The following FAM83G variants were observed in gnomAD, a reference collection of about 807,000 sequenced individuals.
The protein encoded by FAM83G is scaffolding CK1 anchoring protein G, also known as protein FAM83G.
In FAM83G, 38 loss-of-function variants were observed where a neutral mutation model predicts 61.5. The observed-to-expected ratio is 0.62, with a 90% CI of 0.48 to 0.81. The LOEUF (loss-of-function observed/expected upper bound fraction) is 0.81, where lower values mean the gene tolerates loss of function less well. FAM83G is among the 30% of genes least tolerant of loss of function. The pLI is 0.00. For synonymous variants in FAM83G, 470 were observed against 476.1 expected (o/e 0.99, Z 0.17); for missense variants, 989 against 1,133.6 (o/e 0.87, Z 1.83).
chr17:18,976,305 G>A (rs1360140249), intron 5 of FAM83G: 1 of 152,530 alleles, frequency 6.6e-6, no homozygotes, highest in East Asian at 1.9e-4. Context: ...GAAAGGCCTG[G>A]TTAGGATTTG....
intron 2 of FAM83G, among the ~76,000 whole-genome samples, chr17:18,999,404 T>G (rs1271706777): frequency 6.6e-6 from 1 of 152,148 alleles, no homozygotes; most frequent in Non-Finnish European, 1.5e-5. Flanking sequence ...CTCCAGGGAA[T>G]GGGAGGGTGC....
intron 2 of FAM83G, among the ~76,000 whole-genome samples, chr17:18,997,252 C>T (rs1003876677): frequency 3.3e-5 from 5 of 152,388 alleles, no homozygotes; most frequent in African/African-American, 1.2e-4. Context: ...CTACCTCCCC[C>T]AGACGGACAT....
chr17:18,975,002 T>TG (rs2042944248), intron 5 of FAM83G, among the ~76,000 whole-genome samples: 1 of 152,186 alleles, frequency 6.6e-6, no homozygotes. Flanking sequence ...ATGGAAACTC[T>TG]GAGCCTCAGC....
At chr17:18,982,270 G>A (rs1368504662) in intron 3 of FAM83G, among the ~76,000 whole-genome samples, 1 of 152,106 alleles carries the variant, frequency 6.6e-6, no homozygotes, top group African/African-American at 2.4e-5. Flanking sequence ...TCAGCAGCAG[G>A]TGGGGGCCTG....
At chr17:18,988,200 A>G (rs778232852) in intron 3 of FAM83G, 47 bp downstream of exon 3, 4 of 1,591,312 alleles carry the variant, frequency 2.5e-6, no homozygotes, top group Non-Finnish European at 2.6e-6. Context: ...GACAGACTGA[A>G]TGACCCCTGC....
intron 5 of FAM83G, among the ~76,000 whole-genome samples, chr17:18,973,987 G>A (rs951593477): frequency 1.3e-5 from 2 of 151,238 alleles, no homozygotes; most frequent in African/African-American, 4.9e-5. Context: ...CCGCCTCCTG[G>A]GTTTGAGCAA....
chr17:18,988,216 A>G, intron 3 of FAM83G, 31 bp downstream of exon 3: 1 of 1,599,212 alleles, frequency 6.3e-7, no homozygotes, highest in Non-Finnish European at 8.6e-7. Flanking sequence ...CCTGCCCTCC[A>G]GCCACCCAGG....
rs1567783195 is a variant in FAM83G, at chr17:18,969,162, G to A, written c.*2197C>T. 2.5e-6 allele frequency: 4 copies of A among 1,613,062 alleles called. No individual in the cohort carries two copies. Among genetic ancestry groups the A allele is most frequent in the Non-Finnish European group, 3.4e-6 (4 of 1,179,438 alleles). ...CAGCCCTGTACACCATCGCAGGTATGGTGCCTGCAGCAGGGAGGTCCACCC... is the reference window on the plus strand; with the variant it reads ...CAGCCCTGTACACCATCGCAGGTATAGTGCCTGCAGCAGGGAGGTCCACCC... On this transcript the variant is annotated 3_prime_UTR_variant, in exon 6 of 6. Coordinates refer to ENST00000388995, the MANE Select transcript of FAM83G (RefSeq NM_001039999.3).
chr17:18,978,989 G>T, intron 4 of FAM83G, 139 bp from the exon 5 acceptor site: 2 of 941,308 alleles, frequency 2.1e-6, no homozygotes, highest in Non-Finnish European at 3.2e-6. Flanking sequence ...CAGAGAGCAG[G>T]TGCATACTGT....
rs773363329 is a variant in FAM83G at position 18,977,714 on chromosome 17, G to C, written c.1952C>G (p.Ala651Gly). 9 of 1,609,180 alleles carry C rather than the reference G, an allele frequency of 5.6e-6. No individual in the cohort carries two copies. In the Admixed American group the frequency reaches 1.5e-4, roughly 27 times the overall value. The stretch of plus-strand genomic sequence containing the variant: ...AAAGGTCCCTCGGGTTATATGGGGG[G>C]CACTCAGCTGCCGGCGCGGTGGTGG... ...PTPPPRRQLS[A>G]PHITRGTFVG... Residue 651 changes from alanine to glycine, a missense_variant, in exon 5 of 6, where the codon GCC (alanine) becomes GGC (glycine). By Grantham distance (60) the Ala-to-Gly change is moderately conservative. This residue lies in a region of FAM83G where 574 missense variants were observed against 645.1 expected (regional missense o/e 0.89). Transcript: ENST00000388995.
rs2042775161 is a variant in FAM83G, at chr17:18,969,153, C to T, written c.*2206G>A. 5.0e-6 allele frequency: 8 copies of T among 1,613,462 alleles called. No homozygotes were observed. The highest frequency in any genetic ancestry group is 1.6e-4 in the Middle Eastern group (1 of 6,078). On this transcript the variant is annotated 3_prime_UTR_variant, in exon 6 of 6. Coordinates refer to ENST00000388995, the MANE Select transcript of FAM83G (RefSeq NM_001039999.3). ...TCGGCATCACAGCCCTGTACACCAT[C>T]GCAGGTATGGTGCCTGCAGCAGGGA...
rs2043581331 is a variant in FAM83G, at chr17:18,996,798, C to A, written c.522+6722G>T. On this transcript the variant is annotated intron_variant, in intron 2 of 5. Coordinates refer to ENST00000388995, the MANE Select transcript of FAM83G (RefSeq NM_001039999.3). This position sits in a 1 kb window ranked among gnomAD's most constrained non-coding sequence, Gnocchi z 4.4. Reference sequence around the variant, plus strand: ...CTAGGCTTTTCTCCTAATGGGGGACCCTGTGTCCATTCCAACCTCTGAACC... The same window carrying A: ...CTAGGCTTTTCTCCTAATGGGGGACACTGTGTCCATTCCAACCTCTGAACC... Among the ~76,000 whole-genome samples the A allele has an allele frequency of 1.3e-5, 2 of 152,180 alleles. No individual in the cohort carries two copies. Among genetic ancestry groups the A allele is most frequent in the African/African-American group, 4.8e-5 (2 of 41,442 alleles).
intron 2 of FAM83G, among the ~76,000 whole-genome samples, chr17:18,995,290 T>C (rs1329370849): frequency 6.6e-6 from 1 of 152,238 alleles, no homozygotes; most frequent in Non-Finnish European, 1.5e-5. Flanking sequence ...GTGGAAGCTT[T>C]TTTTTAGCCA....
At chr17:19,002,242 C>T (rs914087729) in intron 2 of FAM83G, among the ~76,000 whole-genome samples, 1 of 152,242 alleles carries the variant, frequency 6.6e-6, no homozygotes, top group Non-Finnish European at 1.5e-5. Flanking sequence ...AACCCGAAGC[C>T]TCAAAGCTGC....
At position 18,978,487 on chromosome 17, in the gene FAM83G, T is replaced by G. The variant is rs1439845508; in HGVS notation, c.1179A>C (p.Pro393=). The change falls in exon 5 of 6, where the codon CCA becomes CCC. Residue 393 remains proline, a synonymous_variant. Coordinates refer to ENST00000388995, the MANE Select transcript of FAM83G (RefSeq NM_001039999.3). ...GGTGAAGCAGTCCTGGGTGGATGGG[T>G]GGCAGCAGCTCGGGGAGTTCCCCTG... The part of the protein sequence containing the change: ...EHPGELPELL[P]PIHPGLLHLE... 1 of 1,612,336 alleles carries G rather than the reference T, an allele frequency of 6.2e-7. No individual in the cohort carries two copies. The highest frequency in any genetic ancestry group is 1.7e-5 in the Admixed American group (1 of 59,790).
At chr17:18,991,986 G>T (rs559922713) in intron 2 of FAM83G, among the ~76,000 whole-genome samples, 68 of 152,274 alleles carry the variant, frequency 4.5e-4, no homozygotes, top group Admixed American at 1.0e-3. Context: ...AGGCAGGCAG[G>T]CTGCACTGGA....
chr17:18,998,992 T>G (rs1225707106), intron 2 of FAM83G, among the ~76,000 whole-genome samples: 1 of 152,184 alleles, frequency 6.6e-6, no homozygotes, highest in East Asian at 1.9e-4. Context: ...ATGAAAACGC[T>G]TTTACTGCCA....
rs961218171 is a variant in FAM83G, at chr17:18,971,798, G to A, written c.2083-50C>T. 43 of 1,517,060 alleles carry A rather than the reference G, an allele frequency of 2.8e-5. No homozygotes were observed. The highest frequency in any genetic ancestry group is 1.9e-4 in the Middle Eastern group (1 of 5,318). 94.0% of individuals were successfully genotyped at this position (1,517,060 alleles called of 1,614,324 possible). A position where few individuals can be genotyped will look rare whatever the true frequency, so the allele number is the denominator to read the frequency against. ...AGGCTGAGCAAGAAGGGCCAACCCC[G>A]CCCCAGCACAGGACCCTGCTCAGGC... On this transcript the variant is annotated intron_variant, in intron 5 of 5. Coordinates refer to ENST00000388995, the MANE Select transcript of FAM83G (RefSeq NM_001039999.3). The surrounding 1 kb of genome is among the most constrained non-coding windows in gnomAD (Gnocchi z 5.5).
At chr17:18,972,347 T>C (rs924312775) in intron 5 of FAM83G, among the ~76,000 whole-genome samples, 6 of 152,232 alleles carry the variant, frequency 3.9e-5, no homozygotes, top group South Asian at 2.1e-4. Context: ...CTCTGTGGAA[T>C]GAACGATCAC....
Sources: allele counts gnomAD v4.1 joint callset (sites outside exome capture counted in the v4.1 genomes callset), GRCh38; gene constraint gnomAD v4.1.1; regional missense constraint gnomAD v4.1.1; non-coding constraint Gnocchi (gnomAD v3.1); transcripts MANE v1.5; gene names NCBI Gene and HGNC (gene_info 2026-07-23, HGNC 2026-07-21).